Variants in GRIN2B observed in about 807,000 individuals in gnomAD.
The protein encoded by GRIN2B is glutamate receptor ionotropic, NMDA 2B.
GRIN2B carries 5 observed loss-of-function variants against 114.5 expected under a neutral mutation model. The ratio of observed to expected loss-of-function variants is 0.04; its 90% confidence interval spans 0.02 to 0.09. The LOEUF (loss-of-function observed/expected upper bound fraction) is 0.09. Among genes scored for constraint, GRIN2B ranks in the 10% least tolerant of loss-of-function variants. GRIN2B has a pLI of 1.00. For synonymous variants in GRIN2B, 787 were observed against 745.1 expected, an observed-to-expected ratio of 1.06 and a Z score of -0.92; for missense variants, 1,108 against 1,943.5, an observed-to-expected ratio of 0.57 and a Z score of 8.08.
intron 3 of GRIN2B, among the ~76,000 whole-genome samples, chr12:13,827,481 G>C (rs1385979969): frequency 6.6e-6 from 1 of 151,124 alleles, no homozygotes; most frequent in African/African-American, 2.4e-5. Flanking sequence ...TACTCTCTGT[G>C]CTTCATTTTC....
chr12:13,911,675 T>C (rs1197708984), intron 2 of GRIN2B, among the ~76,000 whole-genome samples: 1 of 152,134 alleles, frequency 6.6e-6, no homozygotes, highest in African/African-American at 2.4e-5. Context: ...TCCAGCCTAG[T>C]ACGTACACAC....
At chr12:13,703,273 T>C (rs547646012) in intron 4 of GRIN2B, among the ~76,000 whole-genome samples, 266 of 152,308 alleles carry the variant, frequency 1.7e-3, no homozygotes, top group African/African-American at 6.2e-3. Context: ...CCCTCCCTTA[T>C]TTGGGCATAA....
At chr12:13,601,932 C>A (rs893875529) in intron 10 of GRIN2B, among the ~76,000 whole-genome samples, 30 of 152,056 alleles carry the variant, frequency 2.0e-4, no homozygotes, top group Non-Finnish European at 3.7e-4. Context: ...TATAGCAGAC[C>A]CATTCTTAAA....
intron 2 of GRIN2B, among the ~76,000 whole-genome samples, chr12:13,944,813 A>T (rs1332272433): frequency 6.6e-6 from 1 of 152,198 alleles, no homozygotes; most frequent in East Asian, 1.9e-4. Flanking sequence ...ATTTTTCATC[A>T]ATTGACTATA....
intron 2 of GRIN2B, among the ~76,000 whole-genome samples, chr12:13,876,266 G>A (rs1034919668): frequency 6.6e-6 from 1 of 152,132 alleles, no homozygotes; most frequent in African/African-American, 2.4e-5. Flanking sequence ...TTTATAAAAT[G>A]GGAATTATTA....
At chr12:13,574,167 T>A (rs1948743739) in intron 10 of GRIN2B, among the ~76,000 whole-genome samples, 1 of 152,170 alleles carries the variant, frequency 6.6e-6, no homozygotes, top group African/African-American at 2.4e-5. Context: ...AGCTAACAGA[T>A]CAGAGCTCAA....
rs1055705558 is a variant in GRIN2B at position 13,555,855 on chromosome 12, G to A, written c.*6928C>T. 2 of 152,202 alleles carry A rather than the reference G, an allele frequency of 1.3e-5. No homozygotes were observed. The highest frequency in any genetic ancestry group is 2.4e-5 in the African/African-American group (1 of 41,444). The allele number at this position is 152,202 out of a possible 1,614,324, so 9.4% of individuals were successfully genotyped here. On this transcript the variant is annotated 3_prime_UTR_variant, in exon 14 of 14. Transcript: ENST00000609686. ...TCCAAGTGAGTAGGCTTCAGGTGAG[G>A]TTAAATTGATTGAATTTGTGCTCTT...
chr12:13,913,602 G>A (rs1019004221), intron 2 of GRIN2B, among the ~76,000 whole-genome samples: 3 of 152,194 alleles, frequency 2.0e-5, no homozygotes, highest in Non-Finnish European at 4.4e-5. Context: ...CCACCTGCAG[G>A]TGAGTTTTGT....
chr12:13,665,266 T>A (rs1218878169), intron 5 of GRIN2B, among the ~76,000 whole-genome samples: 4 of 151,974 alleles, frequency 2.6e-5, no homozygotes, highest in Non-Finnish European at 4.4e-5. Context: ...CTCTCTCCTT[T>A]CCTTCCTTTC....
At chr12:13,607,347 T>C (rs1949280982) in intron 10 of GRIN2B, among the ~76,000 whole-genome samples, 3 of 43,252 alleles carry the variant, frequency 6.9e-5, no homozygotes, top group African/African-American at 1.0e-4. Flanking sequence ...ATATATAATA[T>C]ATAAAATATA....
chr12:13,783,490 C>A (rs146311358), intron 3 of GRIN2B, among the ~76,000 whole-genome samples: 1 of 137,262 alleles, frequency 7.3e-6, no homozygotes, highest in Non-Finnish European at 1.6e-5. Context: ...GGGTGAAATG[C>A]CACCTTTGTT....
chr12:13,932,148 C>T (rs1045014012), intron 2 of GRIN2B, among the ~76,000 whole-genome samples: 1 of 152,194 alleles, frequency 6.6e-6, no homozygotes, highest in Admixed American at 6.5e-5. Context: ...ATGCTCACTA[C>T]ATTCCAATCA....
At chr12:13,972,071 T>A (rs965030069) in intron 2 of GRIN2B, among the ~76,000 whole-genome samples, 10 of 152,214 alleles carry the variant, frequency 6.6e-5, no homozygotes, top group Non-Finnish European at 1.0e-4. Flanking sequence ...TTGTCAATCA[T>A]CTTGCCCAGT....
chr12:13,854,334 AC>A (rs1365919652), intron 3 of GRIN2B, among the ~76,000 whole-genome samples: 2 of 152,246 alleles, frequency 1.3e-5, no homozygotes, highest in Non-Finnish European at 2.9e-5. Context: ...ACATGGTGAA[AC>A]CCTGTCTCTA....
At position 13,544,938 on chromosome 12, in the gene GRIN2B, A is replaced by T. The variant is rs928926948; in HGVS notation, c.*17845T>A. ...CTTCCTCTTCAACTGAAGTCAGATC[A>T]TATCACTCTATGCTCCGAACCTTCT... On this transcript the variant is annotated 3_prime_UTR_variant, in exon 14 of 14. Transcript: ENST00000609686. 2 of 152,266 alleles carry T rather than the reference A, an allele frequency of 1.3e-5. No individual in the cohort carries two copies. Among genetic ancestry groups the T allele is most frequent in the Non-Finnish European group, 2.9e-5 (2 of 68,100 alleles). 9.4% of individuals were successfully genotyped at this position (152,266 alleles called of 1,614,324 possible).
intron 2 of GRIN2B, among the ~76,000 whole-genome samples, chr12:13,979,313 T>G (rs1863087265): frequency 6.6e-6 from 1 of 151,898 alleles, no homozygotes; most frequent in Non-Finnish European, 1.5e-5. Flanking sequence ...ACCAGCCCGA[T>G]CCCCACCTAG....
At chr12:13,796,857 G>T (rs1864426102) in intron 3 of GRIN2B, among the ~76,000 whole-genome samples, 1 of 152,086 alleles carries the variant, frequency 6.6e-6, no homozygotes, top group Non-Finnish European at 1.5e-5. Context: ...TGGCAAAATT[G>T]GTACCAGATC....
intron 12 of GRIN2B, among the ~76,000 whole-genome samples, chr12:13,568,271 ATGCATCTAATTC>A (rs1948666538): frequency 1.3e-5 from 2 of 152,328 alleles, no homozygotes; most frequent in Admixed American, 6.5e-5. Flanking sequence ...GTGCCCTAGA[ATGCATCTAATTC>A]TAGACAAGCA....
At chr12:13,730,912 T>C (rs1565516308) in intron 4 of GRIN2B, among the ~76,000 whole-genome samples, 1 of 152,064 alleles carries the variant, frequency 6.6e-6, no homozygotes, top group Non-Finnish European at 1.5e-5. Flanking sequence ...CTTAAAATGG[T>C]TATTTCTTTT....
Sources: gnomAD v4.1 joint callset for allele counts (sites outside exome capture counted in the v4.1 genomes callset) on GRCh38, gnomAD v4.1.1 for gene constraint, MANE v1.5 for transcripts, NCBI Gene and HGNC (gene_info 2026-07-23, HGNC 2026-07-21) for gene names.